Variants in SLC9A3 observed in about 807,000 individuals in gnomAD.
SLC9A3 encodes the protein solute carrier family 9 member A3.
Under a neutral mutation model 86.8 loss-of-function variants are expected in SLC9A3, and 37 were observed. That is an observed-to-expected ratio of 0.43 (90% CI 0.33 to 0.56). The LOEUF (loss-of-function observed/expected upper bound fraction) is 0.56, where lower values mean the gene tolerates loss of function less well. Among genes scored for constraint, SLC9A3 ranks in the 20% least tolerant of loss-of-function variants. SLC9A3 has a pLI of 0.06. For synonymous variants in SLC9A3, 581 were observed against 528.3 expected (o/e 1.10, Z -1.37); for missense variants, 1,011 against 1,171.9 (o/e 0.86, Z 2.00).
At chr5:477,275 C>G in intron 11 of SLC9A3, 57 bp downstream of exon 11, 1 of 1,287,974 alleles carries the variant, frequency 7.8e-7, no homozygotes, top group South Asian at 1.3e-5. Flanking sequence ...GTCTGTGACT[C>G]TCAGCTCCCG....
At position 476,217 on chromosome 5, in the gene SLC9A3, C is replaced by G. The variant is rs201338573; in HGVS notation, c.2052G>C (p.Glu684Asp). ...NKKAAKLYKR[E>D]RAQKRRNSSI... is the part of the protein sequence containing the mutation. ...CCAGCCTTACCCGCTTCTGGGCACG[C>G]TCCCGCTTGTACAGCTTGGCCGCCT... Residue 684 changes from glutamate to aspartate, a missense_variant, in exon 13 of 17, where the codon GAG becomes GAC. Glu to Asp is a conservative substitution (Grantham distance 45, BLOSUM62 2). Coordinates refer to ENST00000264938, the MANE Select transcript of SLC9A3 (RefSeq NM_004174.4). The G allele has an allele frequency of 6.2e-7, 1 of 1,613,854 alleles. No homozygotes were observed. The highest frequency in any genetic ancestry group is 8.5e-7 in the Non-Finnish European group (1 of 1,179,940).
At chr5:509,923 C>T (rs571510270) in intron 1 of SLC9A3, among the ~76,000 whole-genome samples, 29 of 152,252 alleles carry the variant, frequency 1.9e-4, no homozygotes, top group Non-Finnish European at 3.7e-4. Flanking sequence ...GGGCAGCCGG[C>T]GTTGTCCCTC....
intron 3 of SLC9A3, 99 bp from the exon 4 acceptor site, chr5:485,330 A>G (rs1377889111): frequency 8.6e-6 from 8 of 935,368 alleles, no homozygotes; most frequent in Non-Finnish European, 1.4e-5. Context: ...TGTGGAGCCC[A>G]TGGCACCCGA....
chr5:520,387 G>T (rs537608280), intron 1 of SLC9A3, among the ~76,000 whole-genome samples: 1 of 152,282 alleles, frequency 6.6e-6, no homozygotes, highest in East Asian at 1.9e-4. Context: ...GCAGGGCGAG[G>T]TCAGCGCAGC....
In SLC9A3 at chr5:475,552, C is replaced by T. The variant is rs775879505; in HGVS notation, c.2251+9G>A. On this transcript the variant is annotated intron_variant, in intron 15 of 16. Transcript: ENST00000264938. Reference sequence around the variant, plus strand: ...TCCCTTAGCCACGACGCCTGTGCCCCGTCCCCACCTGCAGGGGAGTCGGAC... The same window carrying T: ...TCCCTTAGCCACGACGCCTGTGCCCTGTCCCCACCTGCAGGGGAGTCGGAC... 20 of 1,514,952 alleles carry T rather than the reference C, an allele frequency of 1.3e-5. No individual in the cohort carries two copies. Among genetic ancestry groups the T allele is most frequent in the South Asian group, 6.0e-5 (5 of 83,384 alleles). 93.8% of individuals were successfully genotyped at this position (1,514,952 alleles called of 1,614,324 possible).
At chr5:512,769 C>G (rs1184617785) in intron 1 of SLC9A3, among the ~76,000 whole-genome samples, 1 of 152,120 alleles carries the variant, frequency 6.6e-6, no homozygotes, top group East Asian at 1.9e-4. Flanking sequence ...GGGACCAGGA[C>G]AGCATTCCAG....
intron 2 of SLC9A3, among the ~76,000 whole-genome samples, chr5:489,458 G>T (rs1739625142): frequency 6.6e-6 from 1 of 152,180 alleles, no homozygotes; most frequent in Non-Finnish European, 1.5e-5. Context: ...GGCCCCAGGA[G>T]ACAGCAGAGA....
At chr5:523,033 CGAG>C (rs1733930874) in intron 1 of SLC9A3, among the ~76,000 whole-genome samples, 2 of 152,054 alleles carry the variant, frequency 1.3e-5, no homozygotes, top group African/African-American at 2.4e-5. Flanking sequence ...GACACCAGGG[CGAG>C]GAGGAGGCTG....
Position 470,465 on chromosome 5 carries a change from C to T in SLC9A3, c.*2914G>A, listed in dbSNP as rs991297753. On this transcript the variant is annotated 3_prime_UTR_variant, in exon 17 of 17. Coordinates refer to ENST00000264938, the MANE Select transcript of SLC9A3 (RefSeq NM_004174.4). ...TACAGGAGACGTCTCCTTAAATTCT[C>T]ATAGGTGGATATTTCTCTTTTATAA... 6.6e-6 allele frequency: 1 copy of T among 152,392 alleles called. No individual in the cohort carries two copies. The highest frequency in any genetic ancestry group is 2.4e-5 in the African/African-American group (1 of 41,460). 9.4% of individuals were successfully genotyped at this position (152,392 alleles called of 1,614,324 possible).
rs373427807 is a variant in SLC9A3 at position 475,702 on chromosome 5, G to A, written c.2141-31C>T. 7.4e-6 allele frequency: 9 copies of A among 1,219,644 alleles called. No individual in the cohort carries two copies. In the African/African-American group the frequency reaches 1.3e-4, roughly 18 times the overall value. The allele number at this position is 1,219,644 out of a possible 1,614,324, so 75.6% of individuals were successfully genotyped here. The stretch of plus-strand genomic sequence containing the variant: ...GAAGACAGGTTGGGGTGAGGACTGG[G>A]GTCACTGGGGGGCTGTCCTCACAGC... On this transcript the variant is annotated intron_variant, in intron 14 of 16. Transcript: ENST00000264938.
chr5:483,331 A>G lies in SLC9A3; in HGVS notation c.1084T>C (p.Phe362Leu). Reference protein sequence around the residue: ...MFLGISAVNPFIWTWNTAFVL... With the variant: ...MFLGISAVNPLIWTWNTAFVL... ...AAGGCCGTGTTCCAGGTCCAGATGA[A>G]CGGGTTCACGGCCGAGATACCCAGG... Residue 362 changes from phenylalanine to leucine, a missense_variant, in exon 6 of 17, where the codon TTC (phenylalanine) becomes CTC (leucine). This residue lies in a region of SLC9A3 where 565 missense variants were observed against 790.0 expected (regional missense o/e 0.72). Coordinates refer to ENST00000264938, the MANE Select transcript of SLC9A3 (RefSeq NM_004174.4). 1 of 1,565,810 alleles carries G rather than the reference A, an allele frequency of 6.4e-7. No individual in the cohort carries two copies. Among genetic ancestry groups the G allele is most frequent in the Non-Finnish European group, 8.7e-7 (1 of 1,155,888 alleles).
At chr5:473,411 G>C (rs1392413940) in intron 16 of SLC9A3, 29 bp from the exon 17 acceptor site, 2 of 1,386,966 alleles carry the variant, frequency 1.4e-6, no homozygotes, top group East Asian at 6.3e-5. Flanking sequence ...TGAGCGGCGC[G>C]CGGAGCCCGG....
At chr5:509,848 T>C (rs1328047144) in intron 1 of SLC9A3, among the ~76,000 whole-genome samples, 1 of 152,100 alleles carries the variant, frequency 6.6e-6, no homozygotes, top group Non-Finnish European at 1.5e-5. Context: ...CCTGATGATT[T>C]GGAAGGGAAA....
chr5:494,847 C>A (rs1199014199), intron 1 of SLC9A3, among the ~76,000 whole-genome samples: 1 of 152,206 alleles, frequency 6.6e-6, no homozygotes, highest in Non-Finnish European at 1.5e-5. Context: ...TGGCAAGACC[C>A]ACCCAGGCCG....
chr5:484,152 G>A (rs1395087383), intron 5 of SLC9A3, among the ~76,000 whole-genome samples: 4 of 96,976 alleles, frequency 4.1e-5, no homozygotes, highest in South Asian at 4.7e-4. Flanking sequence ...GGCTCGCCCC[G>A]CCGGACCCAG....
chr5:494,210 C>G (rs1242254376), intron 1 of SLC9A3, among the ~76,000 whole-genome samples: 1 of 152,252 alleles, frequency 6.6e-6, no homozygotes, highest in Non-Finnish European at 1.5e-5. Context: ...CGTGCCCCGA[C>G]AGCCCCGTCC....
intron 9 of SLC9A3, chr5:480,258 T>TG (rs148209369): frequency 0.075 from 24,834 of 332,750 alleles, 1,127 homozygotes; most frequent in Admixed American, 0.13. Context: ...TTTGGCCACA[T>TG]GGGGGGCACC....
chr5:480,010 C>T (rs748096261), intron 9 of SLC9A3, 45 bp from the exon 10 acceptor site: 22 of 1,592,314 alleles, frequency 1.4e-5, no homozygotes, highest in Non-Finnish European at 1.8e-5. Flanking sequence ...GACAGGCGCC[C>T]TAGAGCCCGC....
At chr5:500,479 GGGGGCCGGTGTGGACAC>G (rs373953354) in intron 1 of SLC9A3, among the ~76,000 whole-genome samples, 27,884 of 151,858 alleles carry the variant, frequency 0.18, 3,271 homozygotes, top group Non-Finnish European at 0.26. Context: ...GGTGTGGACA[GGGGGCCGGTGTGGACAC>G]GGGGCCAGTG....
Sources: allele counts gnomAD v4.1 joint callset (sites outside exome capture counted in the v4.1 genomes callset), GRCh38; gene constraint gnomAD v4.1.1; regional missense constraint gnomAD v4.1.1; transcripts MANE v1.5; gene names NCBI Gene and HGNC (gene_info 2026-07-23, HGNC 2026-07-21).